The following AFG2B variants were observed in gnomAD, a reference collection of about 807,000 sequenced individuals.
AFG2B encodes the protein ATPase family gene 2 protein homolog B.
the AFG2B span, chr15:45,402,654 C>T: frequency 6.3e-7 from 1 of 1,578,976 alleles, no homozygotes. Flanking sequence ...TGCAGCTGGA[C>T]CCGCTGTGCG....
At chr15:45,420,918 G>C in the AFG2B span, 1 of 909,656 alleles carries the variant, frequency 1.1e-6, no homozygotes, top group Non-Finnish European at 1.6e-6. Context: ...CTTGAAACCA[G>C]AAGACGGAGG....
At chr15:45,408,963 A>C in the AFG2B span, among the ~76,000 whole-genome samples, 2 of 152,190 alleles carry the variant, frequency 1.3e-5, no homozygotes, top group Admixed American at 1.3e-4. Flanking sequence ...TCATGATTGC[A>C]AGACGGGCGA....
the AFG2B span, chr15:45,402,523 G>C: frequency 1.9e-6 from 3 of 1,602,490 alleles, no homozygotes; most frequent in Non-Finnish European, 2.6e-6. Flanking sequence ...CTGCCGCCTG[G>C]GCCCGGCCGC....
chr15:45,411,981 C>T, the AFG2B span, among the ~76,000 whole-genome samples: 1 of 151,972 alleles, frequency 6.6e-6, no homozygotes, highest in Non-Finnish European at 1.5e-5. Context: ...GCCTGTAATC[C>T]CAGCTACTCA....
At chr15:45,417,240 A>G in the AFG2B span, 1 of 1,603,882 alleles carries the variant, frequency 6.2e-7, no homozygotes, top group East Asian at 2.2e-5. Flanking sequence ...ACTGATTGAC[A>G]TTACTTTGTG....
At chr15:45,417,179 T>C in the AFG2B span, 1 of 1,490,884 alleles carries the variant, frequency 6.7e-7, no homozygotes, top group Non-Finnish European at 9.1e-7. Flanking sequence ...ATATCCCTAT[T>C]TGAATTTAAA....
chr15:45,405,115 TATCAA>T, the AFG2B span, among the ~76,000 whole-genome samples: 1 of 152,174 alleles, frequency 6.6e-6, no homozygotes. Context: ...CCTACTACAC[TATCAA>T]ACATTACACA....
the AFG2B span, among the ~76,000 whole-genome samples, chr15:45,403,738 A>C: frequency 1.8e-4 from 28 of 152,168 alleles, no homozygotes; most frequent in African/African-American, 6.5e-4. Flanking sequence ...GTGAGTCAGG[A>C]TCTGAGAGTC....
At chr15:45,403,466 G>C in the AFG2B span, 1 of 1,608,786 alleles carries the variant, frequency 6.2e-7, no homozygotes, top group Non-Finnish European at 8.5e-7. Context: ...GCCACTAACC[G>C]GCCGGACGCT....
chr15:45,413,253 A>T, the AFG2B span, among the ~76,000 whole-genome samples: 1 of 152,200 alleles, frequency 6.6e-6, no homozygotes, highest in Non-Finnish European at 1.5e-5. Flanking sequence ...GGGTGATTTT[A>T]TGATGATCTT....
At chr15:45,415,778 G>A in the AFG2B span, 2 of 1,613,214 alleles carry the variant, frequency 1.2e-6, no homozygotes, top group South Asian at 2.2e-5. Flanking sequence ...CAAGTCAACA[G>A]GGTAAATACA....
At chr15:45,419,187 C>CCTGTGATCCCAGCATTAGG in the AFG2B span, among the ~76,000 whole-genome samples, 1 of 152,124 alleles carries the variant, frequency 6.6e-6, no homozygotes, top group African/African-American at 2.4e-5. Flanking sequence ...GTGGCTCGTG[C>CCTGTGATCCCAGCATTAGG]CTGTGATCCC....
At chr15:45,409,103 C>T in the AFG2B span, among the ~76,000 whole-genome samples, 6 of 152,200 alleles carry the variant, frequency 3.9e-5, no homozygotes, top group South Asian at 4.1e-4. Flanking sequence ...GGGCCACGTG[C>T]GGTGGCTCAC....
the AFG2B span, chr15:45,402,596 C>A: frequency 6.4e-7 from 1 of 1,571,116 alleles, no homozygotes; most frequent in South Asian, 1.1e-5. Context: ...GACGGCGGCT[C>A]CTGCCTCTGC....
At chr15:45,411,052 A>T in the AFG2B span, among the ~76,000 whole-genome samples, 1 of 152,088 alleles carries the variant, frequency 6.6e-6, no homozygotes, top group South Asian at 2.1e-4. Context: ...AAATACAAAA[A>T]TTAGCTGGGC....
At chr15:45,402,356 G>A in the AFG2B span, 1 of 1,542,062 alleles carries the variant, frequency 6.5e-7, no homozygotes, top group Non-Finnish European at 8.7e-7. Flanking sequence ...CGGCCTGCGA[G>A]CTCGGTGTTC....
At chr15:45,415,633 A>G in the AFG2B span, 1 of 1,614,022 alleles carries the variant, frequency 6.2e-7, no homozygotes, top group East Asian at 2.2e-5. Context: ...TTGTTTTTGG[A>G]TGAAATTGAT....
the AFG2B span, chr15:45,407,308 C>A: frequency 9.5e-7 from 1 of 1,052,996 alleles, no homozygotes; most frequent in African/African-American, 1.7e-5. Flanking sequence ...TAAGGGATAC[C>A]TTACACTTTG....
At chr15:45,417,084 T>C in the AFG2B span, 2 of 596,228 alleles carry the variant, frequency 3.4e-6, no homozygotes, top group Non-Finnish European at 5.6e-6. Flanking sequence ...AGTAGCTCTT[T>C]GGTTAATGAT....
Sources: allele counts gnomAD v4.1 joint callset (sites outside exome capture counted in the v4.1 genomes callset), GRCh38; gene constraint gnomAD v4.1.1; transcripts MANE v1.5; gene names NCBI Gene and HGNC (gene_info 2026-07-23, HGNC 2026-07-21).